ZNF100: variants seen among roughly 807,000 people sequenced by gnomAD.
ZNF100 encodes the protein zinc finger protein 100.
ZNF100 carries 12 observed loss-of-function variants against 15.8 expected under a neutral mutation model. That is an observed-to-expected ratio of 0.76 (90% CI 0.49 to 1.23). The LOEUF (loss-of-function observed/expected upper bound fraction) is 1.23, where lower values mean the gene tolerates loss of function less well. Among genes scored for constraint, ZNF100 ranks in the 50% most tolerant of loss-of-function variants. The pLI, the probability that ZNF100 is intolerant of heterozygous loss-of-function variation, is 0.00. For missense variants in ZNF100, 670 were observed against 635.6 expected (o/e 1.05, Z -0.58); for synonymous variants, 226 against 214.8 (o/e 1.05, Z -0.45).
chr19:21,760,951 G>A (rs564816198), intron 2 of ZNF100, among the ~76,000 whole-genome samples: 8 of 151,726 alleles, frequency 5.3e-5, no homozygotes, highest in Admixed American at 4.6e-4. Flanking sequence ...GTACAGACAG[G>A]GTTTCACCAT....
In ZNF100 at chr19:21,765,693, C is replaced by A. The variant is rs776197332; in HGVS notation, c.96+1G>T. The A allele has an allele frequency of 2.5e-6, 4 of 1,614,038 alleles. No individual in the cohort carries two copies. The East Asian group carries it at 6.7e-5, about 27-fold the overall frequency. ...ACAATTTTAATGTCTCAAGGGGTTA[C>A]CTTTTCAAAATAAGACTGCACCAGA... On this transcript the variant is annotated splice_donor_variant, in intron 2 of 4. Transcript: ENST00000358296. LOFTEE classifies it high-confidence loss of function.
intron 4 of ZNF100, among the ~76,000 whole-genome samples, chr19:21,732,782 G>A (rs747238938): frequency 1.3e-4 from 20 of 151,736 alleles, no homozygotes; most frequent in Non-Finnish European, 1.2e-4. Context: ...AGACAAAAAA[G>A]GCTGAGAACT....
chr19:21,747,898 A>C (rs560503462), intron 2 of ZNF100, among the ~76,000 whole-genome samples: 2 of 152,340 alleles, frequency 1.3e-5, no homozygotes, highest in Admixed American at 1.3e-4. Flanking sequence ...GTTGATACTA[A>C]GTGTTCAGTA....
At chr19:21,732,921 G>A (rs1221566089) in intron 4 of ZNF100, among the ~76,000 whole-genome samples, 1 of 152,030 alleles carries the variant, frequency 6.6e-6, no homozygotes, top group Non-Finnish European at 1.5e-5. Context: ...AACTACCACA[G>A]TCCTACATAA....
At chr19:21,734,162 A>G (rs1311274852) in intron 4 of ZNF100, among the ~76,000 whole-genome samples, 1 of 152,224 alleles carries the variant, frequency 6.6e-6, no homozygotes, top group Non-Finnish European at 1.5e-5. Flanking sequence ...CTACTCCTCC[A>G]AATAATCAAA....
chr19:21,727,733 G>A lies in ZNF100; in HGVS notation c.579C>T (p.Asn193=), dbSNP rs977026801. 1.2e-6 allele frequency: 2 copies of A among 1,613,716 alleles called. No individual in the cohort carries two copies. Among genetic ancestry groups the A allele is most frequent in the Admixed American group, 1.7e-5 (1 of 59,986 alleles). Reference sequence around the variant, plus strand: ...TTCTAGTATGTCTTATCTTATGTCTGTTTGAATTTGAAAATGTATGAAAGA... The same window carrying A: ...TTCTAGTATGTCTTATCTTATGTCTATTTGAATTTGAAAATGTATGAAAGA... ...AKVFHTFSNS[N]RHKIRHTRKK... is the part of the protein sequence containing the mutation. The change falls in exon 5 of 5, where the codon AAC becomes AAT. Residue 193 remains asparagine, a synonymous_variant. Transcript: ENST00000358296.
In ZNF100 at chr19:21,726,168, T is replaced by A. The variant is rs2035780178; in HGVS notation, c.*515A>T. Reference sequence around the variant, plus strand: ...TACTCTTCACTTTAAAAGCTTATATTTTCTTAAAGATATTTTGACAGTAGT... The same window carrying A: ...TACTCTTCACTTTAAAAGCTTATATATTCTTAAAGATATTTTGACAGTAGT... On this transcript the variant is annotated 3_prime_UTR_variant, in exon 5 of 5. Transcript: ENST00000358296. The A allele has an allele frequency of 6.5e-6, 1 of 152,766 alleles. No individual in the cohort carries two copies. The highest frequency in any genetic ancestry group is 2.4e-5 in the African/African-American group (1 of 41,218). The allele number at this position is 152,766 out of a possible 1,614,324, so 9.5% of individuals were successfully genotyped here.
At chr19:21,742,522 CA>C (rs751348175) in intron 4 of ZNF100, among the ~76,000 whole-genome samples, 62 of 148,134 alleles carry the variant, frequency 4.2e-4, no homozygotes, top group Non-Finnish European at 6.0e-4. Flanking sequence ...AAACAAAAAA[CA>C]AAAGTTGAAG....
intron 4 of ZNF100, among the ~76,000 whole-genome samples, chr19:21,735,020 T>C (rs1462154167): frequency 6.6e-6 from 1 of 152,148 alleles, no homozygotes; most frequent in Non-Finnish European, 1.5e-5. Flanking sequence ...TCATCACCAC[T>C]AGGCCTGCTT....
chr19:21,738,205 G>T (rs565811685), intron 4 of ZNF100, among the ~76,000 whole-genome samples: 7 of 120,876 alleles, frequency 5.8e-5, no homozygotes, highest in Admixed American at 4.7e-4. Flanking sequence ...GAGCCGAGAT[G>T]GTGCCACTGC....
intron 4 of ZNF100, among the ~76,000 whole-genome samples, chr19:21,736,671 A>G (rs558118333): frequency 6.6e-6 from 1 of 152,364 alleles, no homozygotes; most frequent in Non-Finnish European, 1.5e-5. Flanking sequence ...TAGCAAATTC[A>G]AAAGAACCAA....
In ZNF100 at chr19:21,759,393, G is replaced by C. The variant is rs116498291; in HGVS notation, c.96+6301C>G. On this transcript the variant is annotated intron_variant, in intron 2 of 4. Coordinates refer to ENST00000358296, the MANE Select transcript of ZNF100 (RefSeq NM_173531.4). ...ATTTTTCATCCTCTGTGTTCTCCAG[G>C]AACAGTTTATGGAAAGAAACACTCT... 7.2e-3 allele frequency among the ~76,000 whole-genome samples: 1,095 copies of C among 152,282 alleles called. 11 individuals carry two copies. Among genetic ancestry groups the C allele is most frequent in the Middle Eastern group, 0.034 (10 of 294 alleles).
Position 21,723,321 on chromosome 19 carries a change from C to T in ZNF100, c.*3362G>A, listed in dbSNP as rs2035713916. The T allele has an allele frequency of 7.1e-6, 1 of 140,394 alleles. No individual in the cohort carries two copies. Among genetic ancestry groups the T allele is most frequent in the African/African-American group, 2.7e-5 (1 of 37,088 alleles). 8.7% of individuals were successfully genotyped at this position (140,394 alleles called of 1,614,324 possible). ...GTTGCAGTGAGCCCACATTGCACCA[C>T]TGCACTCCAGCTTGGGCAACAAGAG... On this transcript the variant is annotated 3_prime_UTR_variant, in exon 5 of 5. Transcript: ENST00000358296.
chr19:21,766,765 G>T (rs1413701040), intron 1 of ZNF100, among the ~76,000 whole-genome samples: 3 of 152,138 alleles, frequency 2.0e-5, no homozygotes, highest in Admixed American at 1.3e-4. Flanking sequence ...AGGCCAAGGC[G>T]GGCGGATCAC....
At chr19:21,754,956 C>A (rs1178291834) in intron 2 of ZNF100, among the ~76,000 whole-genome samples, 2 of 152,130 alleles carry the variant, frequency 1.3e-5, no homozygotes, top group South Asian at 2.1e-4. Context: ...AGAAAGACAA[C>A]CCCATCAAAA....
rs576313509 is a variant in ZNF100 at position 21,725,715 on chromosome 19, C to A, written c.*968G>T. The A allele has an allele frequency of 6.6e-6, 1 of 151,972 alleles. No homozygotes were observed. The highest frequency in any genetic ancestry group is 1.5e-5 in the Non-Finnish European group (1 of 67,940). 9.4% of individuals were successfully genotyped at this position (151,972 alleles called of 1,614,324 possible). On this transcript the variant is annotated 3_prime_UTR_variant, in exon 5 of 5. Coordinates refer to ENST00000358296, the MANE Select transcript of ZNF100 (RefSeq NM_173531.4). Reference sequence around the variant, plus strand: ...CAAAAAGTTAAGCATACTTTGAATGCAATAACTGCAAAAAATTTCTACTTT... The same window carrying A: ...CAAAAAGTTAAGCATACTTTGAATGAAATAACTGCAAAAAATTTCTACTTT...
intron 4 of ZNF100, among the ~76,000 whole-genome samples, chr19:21,742,296 C>T (rs1332958555): frequency 7.0e-6 from 1 of 142,280 alleles, no homozygotes; most frequent in Non-Finnish European, 1.5e-5. Flanking sequence ...GACTCTGTCC[C>T]CCACCCAAAA....
intron 4 of ZNF100, among the ~76,000 whole-genome samples, chr19:21,735,935 C>T (rs772428682): frequency 6.6e-6 from 1 of 152,020 alleles, no homozygotes; most frequent in Non-Finnish European, 1.5e-5. Context: ...ACTACAGGTG[C>T]CCGCCACCAC....
intron 2 of ZNF100, chr19:21,746,906 T>C (rs1320220152): frequency 1.3e-5 from 2 of 152,186 alleles, no homozygotes; most frequent in Admixed American, 6.5e-5. Flanking sequence ...AAGTAACATC[T>C]ACATCTTGAG....
Sources: gnomAD v4.1 joint callset for allele counts (sites outside exome capture counted in the v4.1 genomes callset) on GRCh38, gnomAD v4.1.1 for gene constraint, MANE v1.5 for transcripts, NCBI Gene and HGNC (gene_info 2026-07-23, HGNC 2026-07-21) for gene names.